MIX23: variants seen among roughly 807,000 people sequenced by gnomAD.
MIX23 encodes the protein protein MIX23.
Under a neutral mutation model 21.6 loss-of-function variants are expected in MIX23, and 13 were observed. That is an observed-to-expected ratio of 0.60 (90% CI 0.39 to 0.96). MIX23 has a LOEUF of 0.96. Among genes scored for constraint, MIX23 ranks in the 40% least tolerant of loss-of-function variants. The pLI, the probability that MIX23 is intolerant of heterozygous loss-of-function variation, is 0.00. For synonymous variants in MIX23, 59 were observed against 58.0 expected, an observed-to-expected ratio of 1.02 and a Z score of -0.08; for missense variants, 144 against 171.2, an observed-to-expected ratio of 0.84 and a Z score of 0.89.
At position 122,360,696 on chromosome 3, in the gene MIX23, T is replaced by C. The variant is rs2332178; in HGVS notation, c.385-777A>G. 7.1e-3 allele frequency among the ~76,000 whole-genome samples: 1,087 copies of C among 152,238 alleles called. 11 individuals carry two copies. The highest frequency in any genetic ancestry group is 0.025 in the African/African-American group (1,033 of 41,558). The stretch of plus-strand genomic sequence containing the variant: ...TTGAAAAGAATTTTTTCTCAGAATT[T>C]ACCCCCATACATCATTAATGTAAAG... On this transcript the variant is annotated intron_variant, in intron 4 of 4. Transcript: ENST00000291458.
intron 1 of MIX23, among the ~76,000 whole-genome samples, chr3:122,380,571 AG>A (rs1171797551): frequency 6.6e-6 from 1 of 152,186 alleles, no homozygotes; most frequent in Non-Finnish European, 1.5e-5. Flanking sequence ...TGCATGTTGA[AG>A]TGCTGGGGGG....
intron 1 of MIX23, among the ~76,000 whole-genome samples, chr3:122,377,307 A>G (rs1247492963): frequency 6.6e-6 from 1 of 152,218 alleles, no homozygotes; most frequent in Non-Finnish European, 1.5e-5. Flanking sequence ...ATCTGAGTAG[A>G]AGAGTGGAAT....
intron 4 of MIX23, among the ~76,000 whole-genome samples, chr3:122,361,000 T>C (rs950733413): frequency 3.3e-5 from 5 of 152,056 alleles, no homozygotes; most frequent in Non-Finnish European, 7.4e-5. Context: ...CCCGCCACCA[T>C]GCCCAGCTAA....
At chr3:122,372,087 G>A (rs1041205253) in intron 1 of MIX23, among the ~76,000 whole-genome samples, 5 of 152,058 alleles carry the variant, frequency 3.3e-5, no homozygotes, top group Admixed American at 3.3e-4. Context: ...TGCTGGCACG[G>A]TGTTTAGCAA....
intron 1 of MIX23, among the ~76,000 whole-genome samples, chr3:122,382,261 G>A (rs2075538889): frequency 6.6e-6 from 1 of 151,916 alleles, no homozygotes; most frequent in South Asian, 2.1e-4. Context: ...TTGGGAGGAC[G>A]AGGCAAGAGG....
chr3:122,377,520 GGGATT>G (rs1215997919), intron 1 of MIX23, among the ~76,000 whole-genome samples: 1 of 152,204 alleles, frequency 6.6e-6, no homozygotes, highest in African/African-American at 2.4e-5. Context: ...GTTTAACGGA[GGGATT>G]GGTCATTTGT....
chr3:122,381,406 C>T (rs970117283), intron 1 of MIX23, among the ~76,000 whole-genome samples: 4 of 152,040 alleles, frequency 2.6e-5, no homozygotes, highest in South Asian at 2.1e-4. Flanking sequence ...GGCCCTAATC[C>T]GATAGAACTG....
intron 1 of MIX23, 64 bp downstream of exon 1, chr3:122,383,110 G>T (rs1316876202): frequency 6.4e-7 from 1 of 1,569,032 alleles, no homozygotes; most frequent in African/African-American, 1.3e-5. Context: ...CCCTCGCAAA[G>T]CAGGGAATAG....
chr3:122,381,028 A>C (rs563959517), intron 1 of MIX23, among the ~76,000 whole-genome samples: 3 of 152,324 alleles, frequency 2.0e-5, no homozygotes, highest in Non-Finnish European at 4.4e-5. Flanking sequence ...TGTATGAATA[A>C]TGTGTTCTAG....
rs1208256288 is a variant in MIX23 at position 122,364,848 on chromosome 3, C to T, written c.325-1821G>A. ...CATCCTTGAATCCTCCCCGCACATG[C>T]CCCCCAGAAATAAGAAGTTATTAGG... On this transcript the variant is annotated intron_variant, in intron 3 of 4. Transcript: ENST00000291458. Among the ~76,000 whole-genome samples the T allele has an allele frequency of 2.6e-5, 4 of 152,088 alleles. No individual in the cohort carries two copies. In the East Asian group the frequency reaches 5.8e-4, roughly 22 times the overall value.
chr3:122,381,553 C>A (rs1344070235), intron 1 of MIX23, among the ~76,000 whole-genome samples: 2 of 151,930 alleles, frequency 1.3e-5, no homozygotes. Context: ...CATGGTGAAA[C>A]CCCATCTCTA....
intron 1 of MIX23, among the ~76,000 whole-genome samples, chr3:122,374,210 C>T (rs1300529127): frequency 6.6e-6 from 1 of 151,414 alleles, no homozygotes; most frequent in Admixed American, 6.6e-5. Flanking sequence ...TTAAGTTGTG[C>T]CTTTTGGATA....
chr3:122,373,317 G>A (rs1218914747), intron 1 of MIX23, among the ~76,000 whole-genome samples: 9 of 151,880 alleles, frequency 5.9e-5, no homozygotes, highest in Admixed American at 5.9e-4. Context: ...TGTTGCTCAG[G>A]CTGGAGTGCA....
chr3:122,366,466 A>G (rs1353032478), intron 3 of MIX23: 4 of 152,234 alleles, frequency 2.6e-5, no homozygotes, highest in Non-Finnish European at 4.4e-5. Flanking sequence ...GTGTGCAGCC[A>G]GCTACAAGGA....
At chr3:122,362,386 A>C (rs2075364305) in intron 4 of MIX23, among the ~76,000 whole-genome samples, 1 of 152,224 alleles carries the variant, frequency 6.6e-6, no homozygotes, top group Non-Finnish European at 1.5e-5. Flanking sequence ...GCCTGTAATT[A>C]GTGTTAGGAG....
Position 122,383,208 on chromosome 3 carries a change from C to T in MIX23, c.17G>A (p.Gly6Asp), listed in dbSNP as rs781136495. Reference sequence around the variant, plus strand: ...GGCGAACTCCTCACAGTTCACACCGCCACTGGGCGCCGCCATATTGGACAA... The same window carrying T: ...GGCGAACTCCTCACAGTTCACACCGTCACTGGGCGCCGCCATATTGGACAA... MAAPS[G>D]GVNCEEFAEF... The change falls in exon 1 of 5, where the codon GGC becomes GAC. Residue 6 changes from glycine to aspartate, a missense_variant. Gly to Asp is a moderately conservative substitution (Grantham distance 94, BLOSUM62 -1). Coordinates refer to ENST00000291458, the MANE Select transcript of MIX23 (RefSeq NM_001017928.4). 1.4e-5 allele frequency: 23 copies of T among 1,612,918 alleles called. 1 individual carries two copies. In the South Asian group the frequency reaches 2.3e-4, roughly 16 times the overall value.
intron 3 of MIX23, among the ~76,000 whole-genome samples, chr3:122,363,523 C>T (rs2075374965): frequency 6.6e-6 from 1 of 151,856 alleles, no homozygotes; most frequent in South Asian, 2.1e-4. Flanking sequence ...AATGTACATT[C>T]TCATGTCCTT....
intron 4 of MIX23, 112 bp from the exon 5 acceptor site, chr3:122,360,031 T>C: frequency 3.8e-6 from 4 of 1,059,102 alleles, no homozygotes; most frequent in Non-Finnish European, 5.6e-6. Context: ...TTGTCCTAAG[T>C]CAACAGATTT....
chr3:122,367,178 G>C (rs1022974006), intron 3 of MIX23, among the ~76,000 whole-genome samples: 1 of 151,852 alleles, frequency 6.6e-6, no homozygotes, highest in Non-Finnish European at 1.5e-5. Context: ...GAAGGAGAGA[G>C]GGAGGGTGAA....
Sources: allele counts gnomAD v4.1 joint callset (sites outside exome capture counted in the v4.1 genomes callset), GRCh38; gene constraint gnomAD v4.1.1; transcripts MANE v1.5; gene names NCBI Gene and HGNC (gene_info 2026-07-23, HGNC 2026-07-21).